The following ZFP2 variants were observed in gnomAD, a reference collection of about 807,000 sequenced individuals.
The protein encoded by ZFP2 is ZFP2 zinc finger protein, also known as zinc finger protein ZFP2.
ZFP2 carries 33 observed loss-of-function variants against 36.1 expected under a neutral mutation model. That is an observed-to-expected ratio of 0.92 (90% confidence interval 0.69 to 1.22). The LOEUF (loss-of-function observed/expected upper bound fraction) is 1.22. Ranked by LOEUF, ZFP2 falls within the 50% of genes most tolerant of loss-of-function variation. ZFP2 has a pLI of 0.00. For missense variants in ZFP2, 522 were observed against 551.4 expected (o/e 0.95, Z 0.53); for synonymous variants, 170 against 178.0 (o/e 0.96, Z 0.36).
chr5:178,915,475 G>A (rs1460471170), intron 3 of ZFP2, among the ~76,000 whole-genome samples: 7 of 151,476 alleles, frequency 4.6e-5, no homozygotes, highest in African/African-American at 1.5e-4. Context: ...TGCCGTGCCC[G>A]GCTAATTTTT....
chr5:178,923,113 G>T (rs927347458), intron 4 of ZFP2, among the ~76,000 whole-genome samples: 1 of 148,922 alleles, frequency 6.7e-6, no homozygotes, highest in African/African-American at 2.4e-5. Context: ...GTAATGTTTT[G>T]TGTTTGTGTG....
rs1554107344 is a variant in ZFP2, at chr5:178,927,663, A to ATT, written c.-77-3573_-77-3572insTT. Reference sequence around the variant, plus strand: ...AGGTGCACACCATCATACCTGGCCAATGTGTGTGTGTGTGTGTGTGTGTGT... The same window carrying ATT: ...AGGTGCACACCATCATACCTGGCCAATTTGTGTGTGTGTGTGTGTGTGTGTGT... On this transcript the variant is annotated intron_variant, in intron 4 of 4. Coordinates refer to ENST00000361362, the MANE Select transcript of ZFP2 (RefSeq NM_030613.4). Among the ~76,000 whole-genome samples, 301 of 92,582 alleles carry ATT rather than the reference A, an allele frequency of 3.3e-3. 2 individuals carry two copies. Among genetic ancestry groups the ATT allele is most frequent in the Non-Finnish European group, 4.5e-3 (186 of 41,624 alleles). 60.7% of individuals were successfully genotyped at this position (92,582 alleles called of 152,430 possible). A position where few individuals can be genotyped will look rare whatever the true frequency, so the allele number is the denominator to read the frequency against.
At position 178,929,202 on chromosome 5, in the gene ZFP2, G is replaced by A. The variant is rs143570095; in HGVS notation, c.-77-2035G>A. 8.2e-4 allele frequency among the ~76,000 whole-genome samples: 125 copies of A among 152,356 alleles called. No homozygotes were observed. The East Asian group carries it at 0.021, about 25-fold the overall frequency. On this transcript the variant is annotated intron_variant, in intron 4 of 4. Coordinates refer to ENST00000361362, the MANE Select transcript of ZFP2 (RefSeq NM_030613.4). ...GTGAAGGTCTCTGAAATGCCTTTGAGGCCTTTTCCCCATTGTCTTGGCTTA... is the reference window on the plus strand; with the variant it reads ...GTGAAGGTCTCTGAAATGCCTTTGAAGCCTTTTCCCCATTGTCTTGGCTTA...
At chr5:178,908,620 CAAA>C (rs59116418) in intron 1 of ZFP2, among the ~76,000 whole-genome samples, 60 of 77,132 alleles carry the variant, frequency 7.8e-4, no homozygotes, top group Admixed American at 3.2e-3. Context: ...CTTCCCCTAC[CAAA>C]AAAAAAAAAA....
At chr5:178,902,188 G>T (rs1581827116) in intron 1 of ZFP2, among the ~76,000 whole-genome samples, 1 of 152,204 alleles carries the variant, frequency 6.6e-6, no homozygotes, top group South Asian at 2.1e-4. Context: ...TTAACATTTT[G>T]CCATTTTTCT....
At chr5:178,909,557 C>A (rs1394862739) in intron 1 of ZFP2, among the ~76,000 whole-genome samples, 1 of 152,166 alleles carries the variant, frequency 6.6e-6, no homozygotes, top group Admixed American at 6.5e-5. Flanking sequence ...GGACTTGTAG[C>A]CCCCACGGCC....
rs1040411823 is a variant in ZFP2 at position 178,911,153 on chromosome 5, T to C, written c.-449-1431T>C. On this transcript the variant is annotated intron_variant, in intron 1 of 4. Coordinates refer to ENST00000361362, the MANE Select transcript of ZFP2 (RefSeq NM_030613.4). ...AATATATTTTTGTAACTTTGAAATA[T>C]TGATTAAATAAAAATTAGGGAGAAA... Among the ~76,000 whole-genome samples the C allele has an allele frequency of 3.9e-5, 6 of 152,192 alleles. No homozygotes were observed. In the South Asian group the frequency reaches 8.3e-4, roughly 21 times the overall value.
chr5:178,904,304 G>A (rs1758121741), intron 1 of ZFP2, among the ~76,000 whole-genome samples: 1 of 152,136 alleles, frequency 6.6e-6, no homozygotes, highest in Admixed American at 6.5e-5. Flanking sequence ...TTCCACAGGG[G>A]ATGCAGACAA....
chr5:178,918,528 G>A (rs2113099298), intron 4 of ZFP2, among the ~76,000 whole-genome samples: 1 of 152,324 alleles, frequency 6.6e-6, no homozygotes, highest in South Asian at 2.1e-4. Context: ...CCAGCCGTGT[G>A]TACTAAGGGG....
At chr5:178,915,195 G>A (rs1033552378) in intron 3 of ZFP2, among the ~76,000 whole-genome samples, 1 of 151,612 alleles carries the variant, frequency 6.6e-6, no homozygotes, top group Admixed American at 6.6e-5. Context: ...ATTGCTTATT[G>A]TCATTCTGGT....
At chr5:178,909,499 T>G (rs1440026329) in intron 1 of ZFP2, among the ~76,000 whole-genome samples, 1 of 152,166 alleles carries the variant, frequency 6.6e-6, no homozygotes. Context: ...GGCCCCCTGG[T>G]CCCACTTTCA....
intron 4 of ZFP2, among the ~76,000 whole-genome samples, chr5:178,929,633 T>C (rs1758774790): frequency 6.6e-6 from 1 of 152,214 alleles, no homozygotes; most frequent in Non-Finnish European, 1.5e-5. Flanking sequence ...TCCATATCAC[T>C]ATCAGCATTT....
intron 1 of ZFP2, among the ~76,000 whole-genome samples, chr5:178,910,924 A>G (rs1758284430): frequency 6.6e-6 from 1 of 152,174 alleles, no homozygotes; most frequent in Admixed American, 6.5e-5. Flanking sequence ...TAGGGAAAAA[A>G]GGTTCCTTTT....
intron 1 of ZFP2, among the ~76,000 whole-genome samples, chr5:178,903,687 G>T (rs1758105923): frequency 6.6e-6 from 1 of 152,114 alleles, no homozygotes; most frequent in Non-Finnish European, 1.5e-5. Context: ...CTATGAAAAG[G>T]AGCCTGGCAT....
chr5:178,908,393 G>C (rs1156400634), intron 1 of ZFP2, among the ~76,000 whole-genome samples: 5 of 151,414 alleles, frequency 3.3e-5, no homozygotes, highest in Non-Finnish European at 7.4e-5. Context: ...CTTGTAGTGA[G>C]CCGAGATTGC....
At chr5:178,897,048 T>C (rs931385339) in intron 1 of ZFP2, among the ~76,000 whole-genome samples, 18 of 151,752 alleles carry the variant, frequency 1.2e-4, no homozygotes, top group African/African-American at 3.9e-4. Flanking sequence ...TTTTCTTTTT[T>C]TTTTTCAGTA....
Position 178,931,568 on chromosome 5 carries a change from A to G in ZFP2, c.255A>G (p.Gln85=). 6.2e-7 allele frequency: 1 copy of G among 1,614,202 alleles called. No homozygotes were observed. The highest frequency in any genetic ancestry group is 1.1e-5 in the South Asian group (1 of 91,090). ...NCNSHGEDAT[Q]NSELIKTQRM... ...ATTCACATGGAGAAGATGCCACACAAAATTCTGAGTTAATTAAAACTCAAA... is the reference window on the plus strand; with the variant it reads ...ATTCACATGGAGAAGATGCCACACAGAATTCTGAGTTAATTAAAACTCAAA... Residue 85 remains glutamine (Q), a synonymous_variant, in exon 5 of 5, where the codon CAA becomes CAG. Transcript: ENST00000361362.
At chr5:178,907,097 G>A (rs1685988765) in intron 1 of ZFP2, among the ~76,000 whole-genome samples, 1 of 152,036 alleles carries the variant, frequency 6.6e-6, no homozygotes, top group African/African-American at 2.4e-5. Flanking sequence ...TGGCCTTATG[G>A]AGCGAGCGTG....
intron 4 of ZFP2, among the ~76,000 whole-genome samples, chr5:178,928,924 A>G (rs1561685463): frequency 6.6e-6 from 1 of 152,198 alleles, no homozygotes; most frequent in Non-Finnish European, 1.5e-5. Flanking sequence ...ATCTAGATAG[A>G]GTTTCCCAAG....
Sources: gnomAD v4.1 joint callset for allele counts (sites outside exome capture counted in the v4.1 genomes callset) on GRCh38, gnomAD v4.1.1 for gene constraint, MANE v1.5 for transcripts, NCBI Gene and HGNC (gene_info 2026-07-23, HGNC 2026-07-21) for gene names.